The following THSD7B variants were observed in gnomAD, a reference collection of about 807,000 sequenced individuals.
The protein encoded by THSD7B is thrombospondin type-1 domain-containing protein 7B.
THSD7B carries 138 observed loss-of-function variants against 213.6 expected under a neutral mutation model. The ratio of observed to expected loss-of-function variants is 0.65; its 90% CI spans 0.56 to 0.74. The LOEUF (loss-of-function observed/expected upper bound fraction) is 0.74, where lower values mean the gene tolerates loss of function less well. THSD7B is among the 30% of genes least tolerant of loss of function. THSD7B has a pLI of 0.00. For missense variants in THSD7B, 1,931 were observed against 1,991.5 expected (o/e 0.97, Z 0.58); for synonymous variants, 742 against 687.0 (o/e 1.08, Z -1.25).
chr2:137,161,515 C>T (rs1180035059), intron 6 of THSD7B, among the ~76,000 whole-genome samples: 1 of 152,174 alleles, frequency 6.6e-6, no homozygotes. Flanking sequence ...CATGTGCACA[C>T]CCAGACTCAC....
intron 21 of THSD7B, among the ~76,000 whole-genome samples, chr2:137,645,537 T>C (rs761024256): frequency 1.6e-4 from 25 of 152,202 alleles, no homozygotes; most frequent in Admixed American, 3.9e-4. Flanking sequence ...GTCGAAGGTA[T>C]AAGCGATTAA....
At chr2:136,842,287 G>A (rs1167194165) in intron 1 of THSD7B, among the ~76,000 whole-genome samples, 1 of 152,202 alleles carries the variant, frequency 6.6e-6, no homozygotes, top group East Asian at 1.9e-4. Flanking sequence ...AGGAAGTAGA[G>A]AAGCCAAAGA....
chr2:137,241,205 C>A (rs10200345), intron 9 of THSD7B, among the ~76,000 whole-genome samples: 8,864 of 152,238 alleles, frequency 0.058, 680 homozygotes, highest in African/African-American at 0.18. Flanking sequence ...ATACAGAGCT[C>A]ACACTATTAA....
intron 1 of THSD7B, among the ~76,000 whole-genome samples, chr2:136,858,324 A>G (rs1573672885): frequency 6.6e-6 from 1 of 152,168 alleles, no homozygotes; most frequent in East Asian, 1.9e-4. Flanking sequence ...TTGTAAAAAT[A>G]ATCTATAGTT....
chr2:137,504,635 A>C (rs989205877), intron 15 of THSD7B, among the ~76,000 whole-genome samples: 1 of 152,154 alleles, frequency 6.6e-6, no homozygotes, highest in African/African-American at 2.4e-5. Flanking sequence ...ACTGTTCATT[A>C]TTTGTCTTTT....
chr2:137,092,014 GGATTTT>G (rs1286724523), intron 3 of THSD7B, among the ~76,000 whole-genome samples: 1 of 152,060 alleles, frequency 6.6e-6, no homozygotes, highest in Non-Finnish European at 1.5e-5. Context: ...TCTGTCTAGT[GGATTTT>G]GATCCCAGGC....
rs149791969 is a variant in THSD7B at position 137,656,013 on chromosome 2, G to A, written c.4105+353G>A. On this transcript the variant is annotated intron_variant, in intron 22 of 27. Coordinates refer to ENST00000409968, the MANE Select transcript of THSD7B (RefSeq NM_001316349.2). Reference sequence around the variant, plus strand: ...CCAACAGCACCTAGCACATTGGACAGCGTTCAAAAAATGTTGGCTGAATTC... The same window carrying A: ...CCAACAGCACCTAGCACATTGGACAACGTTCAAAAAATGTTGGCTGAATTC... 1.9e-3 allele frequency among the ~76,000 whole-genome samples: 293 copies of A among 152,248 alleles called. 1 individual carries two copies. Among genetic ancestry groups the A allele is most frequent in the African/African-American group, 6.7e-3 (279 of 41,544 alleles).
chr2:137,615,758 T>G (rs1171308924), intron 17 of THSD7B, among the ~76,000 whole-genome samples: 2 of 152,202 alleles, frequency 1.3e-5, no homozygotes, highest in Non-Finnish European at 2.9e-5. Flanking sequence ...ATGAAAATTT[T>G]CTGTGTGATT....
chr2:136,929,852 G>A (rs1483600010), intron 2 of THSD7B, among the ~76,000 whole-genome samples: 1 of 152,178 alleles, frequency 6.6e-6, no homozygotes, highest in Non-Finnish European at 1.5e-5. Context: ...ACTAGATGAA[G>A]ATGACCTTTA....
intron 15 of THSD7B, among the ~76,000 whole-genome samples, chr2:137,477,918 C>T (rs1460527922): frequency 6.6e-6 from 1 of 151,616 alleles, no homozygotes; most frequent in Non-Finnish European, 1.5e-5. Context: ...CCCATTCTTT[C>T]TTGCCCTGTA....
intron 2 of THSD7B, among the ~76,000 whole-genome samples, chr2:136,991,274 T>G (rs1246798636): frequency 6.6e-6 from 1 of 152,072 alleles, no homozygotes. Context: ...GCATGCAAAA[T>G]GATTCTAACA....
intron 12 of THSD7B, among the ~76,000 whole-genome samples, chr2:137,364,597 A>G (rs190094329): frequency 6.6e-6 from 1 of 150,746 alleles, no homozygotes; most frequent in African/African-American, 2.4e-5. Flanking sequence ...CTATACAGCA[A>G]TGACAAACAG....
intron 5 of THSD7B, among the ~76,000 whole-genome samples, chr2:137,157,282 A>C (rs986099539): frequency 3.9e-5 from 6 of 152,176 alleles, no homozygotes; most frequent in Non-Finnish European, 8.8e-5. Context: ...CAGTACAGAA[A>C]GCTGCCCATG....
At chr2:137,364,431 A>G (rs1389562955) in intron 12 of THSD7B, among the ~76,000 whole-genome samples, 1 of 152,188 alleles carries the variant, frequency 6.6e-6, no homozygotes, top group Non-Finnish European at 1.5e-5. Flanking sequence ...AGGGGATTCA[A>G]TTAGGAAAAG....
At chr2:137,639,870 G>A (rs1682905624) in intron 20 of THSD7B, among the ~76,000 whole-genome samples, 1 of 152,172 alleles carries the variant, frequency 6.6e-6, no homozygotes, top group Admixed American at 6.5e-5. Context: ...GTGCCGGTAT[G>A]TATTGTATCT....
At chr2:137,407,441 A>T (rs72847169) in intron 13 of THSD7B, among the ~76,000 whole-genome samples, 34,311 of 151,776 alleles carry the variant, frequency 0.23, 4,029 homozygotes, top group South Asian at 0.27. Context: ...GAGTTTTTTT[A>T]AAAAAAATAA....
At chr2:137,258,296 G>A (rs145955581) in intron 10 of THSD7B, among the ~76,000 whole-genome samples, 2 of 152,162 alleles carry the variant, frequency 1.3e-5, no homozygotes, top group African/African-American at 2.4e-5. Flanking sequence ...TTACATCAAA[G>A]TCTTTACTAA....
At chr2:136,913,538 A>C (rs1178292218) in intron 2 of THSD7B, among the ~76,000 whole-genome samples, 3 of 152,228 alleles carry the variant, frequency 2.0e-5, no homozygotes, top group Non-Finnish European at 4.4e-5. Flanking sequence ...CTGGAGGCCC[A>C]GGAGGAAAAA....
rs948928609 is a variant in THSD7B, at chr2:136,775,272, T to C, written c.-36+9585T>C. Among the ~76,000 whole-genome samples the C allele has an allele frequency of 2.0e-5, 3 of 152,260 alleles. No individual in the cohort carries two copies. In the East Asian group the frequency reaches 5.8e-4, roughly 29 times the overall value. On this transcript the variant is annotated intron_variant, in intron 1 of 27. Coordinates refer to ENST00000409968, the MANE Select transcript of THSD7B (RefSeq NM_001316349.2). ...GAATTTACACATGTGAATTAAAATATAGCTGTCAAGCCATATTTACAGTGG... is the reference window on the plus strand; with the variant it reads ...GAATTTACACATGTGAATTAAAATACAGCTGTCAAGCCATATTTACAGTGG...
Sources: gnomAD v4.1 joint callset for allele counts (sites outside exome capture counted in the v4.1 genomes callset) on GRCh38, gnomAD v4.1.1 for gene constraint, MANE v1.5 for transcripts, NCBI Gene and HGNC (gene_info 2026-07-23, HGNC 2026-07-21) for gene names.